TESK2: variants seen among roughly 807,000 people sequenced by gnomAD.
TESK2 encodes dual specificity testis-specific protein kinase 2.
TESK2 carries 39 observed loss-of-function variants against 57.1 expected under a neutral mutation model. That is an observed-to-expected ratio of 0.68 (90% CI 0.53 to 0.89). The LOEUF (loss-of-function observed/expected upper bound fraction) is 0.89. Ranked by LOEUF, TESK2 falls within the 40% of genes least tolerant of loss-of-function variation. TESK2 has a pLI of 0.00. For missense variants in TESK2, 646 were observed against 732.1 expected (o/e 0.88, Z 1.36); for synonymous variants, 249 against 267.9 (o/e 0.93, Z 0.69).
At chr1:45,477,173 C>T (rs751799417) in intron 1 of TESK2, among the ~76,000 whole-genome samples, 1 of 150,734 alleles carries the variant, frequency 6.6e-6, no homozygotes, top group Non-Finnish European at 1.5e-5. Context: ...GCAGAGGTTG[C>T]GGTGAGCTGA....
At chr1:45,461,943 T>C (rs776182791) in intron 1 of TESK2, among the ~76,000 whole-genome samples, 2 of 152,228 alleles carry the variant, frequency 1.3e-5, no homozygotes, top group Non-Finnish European at 2.9e-5. Flanking sequence ...ATTCCAATCG[T>C]ACTCTCCCAG....
At chr1:45,403,338 G>A (rs1009529486) in intron 3 of TESK2, among the ~76,000 whole-genome samples, 5 of 152,010 alleles carry the variant, frequency 3.3e-5, no homozygotes, top group South Asian at 2.1e-4. Flanking sequence ...ATCTAAACCC[G>A]TAAAAAGGCA....
At chr1:45,440,670 C>T (rs865851272) in intron 2 of TESK2, among the ~76,000 whole-genome samples, 11 of 151,662 alleles carry the variant, frequency 7.3e-5, no homozygotes, top group Middle Eastern at 6.8e-3. Context: ...GAGCCAAGAT[C>T]GCACTACTGT....
chr1:45,408,163 A>G (rs1276108368), intron 3 of TESK2, among the ~76,000 whole-genome samples: 2 of 152,164 alleles, frequency 1.3e-5, no homozygotes, highest in African/African-American at 2.4e-5. Flanking sequence ...CTCCAATAGC[A>G]TCATGAGAAG....
At chr1:45,465,211 G>C (rs1195963696) in intron 1 of TESK2, among the ~76,000 whole-genome samples, 1 of 151,834 alleles carries the variant, frequency 6.6e-6, no homozygotes, top group East Asian at 1.9e-4. Context: ...ACTCCAGCCT[G>C]GGAGATAGAG....
intron 4 of TESK2, among the ~76,000 whole-genome samples, chr1:45,358,120 T>C (rs1647521403): frequency 6.7e-6 from 1 of 149,736 alleles, no homozygotes; most frequent in African/African-American, 2.5e-5. Flanking sequence ...GAGACCGTCC[T>C]AGCTAACATG....
chr1:45,485,404 G>A (rs1653424131), intron 1 of TESK2, among the ~76,000 whole-genome samples: 2 of 152,028 alleles, frequency 1.3e-5, no homozygotes, highest in Admixed American at 1.3e-4. Context: ...AGTCAGGATG[G>A]TCTAGATCTC....
chr1:45,483,455 G>A (rs929946198), intron 1 of TESK2, among the ~76,000 whole-genome samples: 6 of 151,966 alleles, frequency 3.9e-5, no homozygotes, highest in African/African-American at 1.4e-4. Context: ...AAAATTAGTT[G>A]GGCATGGTGG....
rs528699597 is a variant in TESK2 at position 45,465,082 on chromosome 1, C to T, written c.-86-7211G>A. Among the ~76,000 whole-genome samples the T allele has an allele frequency of 2.7e-4, 41 of 152,124 alleles. 1 individual carries two copies. The South Asian group carries it at 6.9e-3, about 25-fold the overall frequency. On this transcript the variant is annotated intron_variant, in intron 1 of 10. Transcript: ENST00000372086. ...TGAAACCCCGTCTCTACTAAAAATA[C>T]AAAACTTAGCCAGCATGGTGACACA...
intron 4 of TESK2, among the ~76,000 whole-genome samples, chr1:45,382,822 C>T (rs553057958): frequency 6.6e-6 from 1 of 152,038 alleles, no homozygotes; most frequent in African/African-American, 2.4e-5. Flanking sequence ...GAGCTGAGAT[C>T]GGGCCATTGC....
At position 45,345,379 on chromosome 1, in the gene TESK2, C is replaced by T. The variant is rs562289391; in HGVS notation, c.1177G>A (p.Ala393Thr). The part of the protein sequence containing the change: ...LDPYYRPRDG[A>T]ARTPKVNPFS... ...GGGTTGACTTTGGGGGTGCGGGCAG[C>T]ACCATCTCGTGGCCGGTAGTATGGG... The change falls in exon 11 of 11, where the codon GCT becomes ACT. Residue 393 changes from alanine (A) to threonine (T), a missense_variant. Transcript: ENST00000372086. 1.0e-4 allele frequency: 164 copies of T among 1,614,012 alleles called. No homozygotes were observed. Among genetic ancestry groups the T allele is most frequent in the Non-Finnish European group, 1.4e-4 (162 of 1,180,044 alleles).
At chr1:45,440,236 CCA>C (rs1400066008) in intron 2 of TESK2, among the ~76,000 whole-genome samples, 6 of 151,852 alleles carry the variant, frequency 4.0e-5, no homozygotes, top group African/African-American at 1.5e-4. Flanking sequence ...AAGGTGTGAG[CCA>C]CCACACTTTG....
rs543697351 is a variant in TESK2 at position 45,404,037 on chromosome 1, CA to C, written c.344+17687del. On this transcript the variant is annotated intron_variant, in intron 3 of 10. Coordinates refer to ENST00000372086, the MANE Select transcript of TESK2 (RefSeq NM_007170.3). ...AACTCAAGTATTTAAGTTGTCTTCC[CA>C]AGCCCTGAAAAAGTTTCTTCTTCCT... Among the ~76,000 whole-genome samples, 335 of 152,216 alleles carry C rather than the reference CA, an allele frequency of 2.2e-3. 5 individuals are homozygous for C. The highest frequency in any genetic ancestry group is 7.8e-3 in the African/African-American group (322 of 41,540).
In TESK2 at chr1:45,471,021, A is replaced by G. The variant is rs538794618; in HGVS notation, c.-86-13150T>C. On this transcript the variant is annotated intron_variant, in intron 1 of 10. Transcript: ENST00000372086. ...GCTGAGGCAGGTGGATCACGAGGTC[A>G]GGAGGTCGAGACCATCCTGGCCAAC... Among the ~76,000 whole-genome samples the G allele has an allele frequency of 3.9e-5, 6 of 152,314 alleles. No individual in the cohort carries two copies. In the South Asian group the frequency reaches 6.2e-4, roughly 16 times the overall value.
rs533666070 is a variant in TESK2, at chr1:45,484,104, CTTTT to C, written c.-87+6744_-87+6747del. Among the ~76,000 whole-genome samples the C allele has an allele frequency of 5.3e-3, 447 of 84,850 alleles. 1 individual carries two copies. The highest frequency in any genetic ancestry group is 0.02 in the African/African-American group (427 of 21,646). 55.7% of individuals were successfully genotyped at this position (84,850 alleles called of 152,430 possible). A position where few individuals can be genotyped will look rare whatever the true frequency, so the allele number is the denominator to read the frequency against. ...CTGTATCATTTCATTTTTAATTCTT[CTTTT>C]TTTTTTTTTTTTTTTTTGAGATGGA... On this transcript the variant is annotated intron_variant, in intron 1 of 10. Transcript: ENST00000372086.
intron 3 of TESK2, chr1:45,413,953 C>T (rs1004831728): frequency 2.4e-6 from 1 of 408,834 alleles, no homozygotes; most frequent in Admixed American, 2.9e-5. Context: ...AAATTTAAAT[C>T]CTAAGTATTA....
chr1:45,390,823 G>A (rs1379814138), intron 3 of TESK2, among the ~76,000 whole-genome samples: 1 of 150,882 alleles, frequency 6.6e-6, no homozygotes, highest in Non-Finnish European at 1.5e-5. Context: ...GCCTAGGCTG[G>A]TCTGGAACTC....
At chr1:45,476,568 C>G (rs1652998610) in intron 1 of TESK2, among the ~76,000 whole-genome samples, 1 of 152,018 alleles carries the variant, frequency 6.6e-6, no homozygotes, top group Non-Finnish European at 1.5e-5. Context: ...AGGTAGCTAG[C>G]CAGGCGCGGT....
chr1:45,383,656 A>G (rs1197687157), intron 4 of TESK2, among the ~76,000 whole-genome samples: 1 of 152,208 alleles, frequency 6.6e-6, no homozygotes, highest in African/African-American at 2.4e-5. Context: ...TCTGTCGGCA[A>G]AATTAACACA....
Sources: gnomAD v4.1 joint callset for allele counts (sites outside exome capture counted in the v4.1 genomes callset) on GRCh38, gnomAD v4.1.1 for gene constraint, MANE v1.5 for transcripts, NCBI Gene and HGNC (gene_info 2026-07-23, HGNC 2026-07-21) for gene names.